The following PECAM1 variants were observed in gnomAD, a reference collection of about 807,000 sequenced individuals.
The protein encoded by PECAM1 is platelet and endothelial cell adhesion molecule 1.
In PECAM1, 8 loss-of-function variants were observed where a neutral mutation model predicts 13.8. The observed-to-expected ratio is 0.58, with a 90% confidence interval of 0.34 to 1.05. The LOEUF (loss-of-function observed/expected upper bound fraction) is 1.05, where lower values mean the gene tolerates loss of function less well. PECAM1 is among the 50% of genes least tolerant of loss of function. The pLI is 0.03. For missense variants in PECAM1, 304 were observed against 141.2 expected (o/e 2.15, Z -5.84); for synonymous variants, 136 against 52.6 (o/e 2.58, Z -6.86).
At chr17:64,361,129 A>ATGTGTGTGTG (rs145637288) in intron 6 of PECAM1, among the ~76,000 whole-genome samples, 3,666 of 137,202 alleles carry the variant, frequency 0.027, 68 homozygotes, top group South Asian at 0.069. Context: ...CTGAGCATAT[A>ATGTGTGTGTG]TGTGTGTGTG....
At position 64,321,901 on chromosome 17, in the gene PECAM1, G is replaced by T; in HGVS notation, c.*1915C>A. The T allele has an allele frequency of 3.0e-6, 4 of 1,345,822 alleles. No individual in the cohort carries two copies. The highest frequency in any genetic ancestry group is 3.9e-6 in the Non-Finnish European group (4 of 1,016,634). 83.4% of individuals were successfully genotyped at this position (1,345,822 alleles called of 1,614,324 possible). A position where few individuals can be genotyped will look rare whatever the true frequency, so the allele number is the denominator to read the frequency against. On this transcript the variant is annotated 3_prime_UTR_variant, in exon 16 of 16. Transcript: ENST00000563924. ...ACTAAGGAACTCCCTGGACACAGGGGATCTGGCTGTCCCCAGATCATCAAC... is the reference window on the plus strand; with the variant it reads ...ACTAAGGAACTCCCTGGACACAGGGTATCTGGCTGTCCCCAGATCATCAAC...
intron 7 of PECAM1, among the ~76,000 whole-genome samples, chr17:64,357,915 G>A (rs1055160916): frequency 1.8e-3 from 278 of 152,158 alleles, no homozygotes; most frequent in African/African-American, 6.4e-3. Context: ...CAGGTGGATC[G>A]TTCCGAGAAC....
In PECAM1 at chr17:64,323,139, T is replaced by A; in HGVS notation, c.*677A>T. On this transcript the variant is annotated 3_prime_UTR_variant, in exon 16 of 16. Transcript: ENST00000563924. ...GCATGGTAGAGGAAAAGAGAAAGAG[T>A]GTAGACAAAAACAGTTGAAGAACAT... 2.0e-6 allele frequency: 2 copies of A among 985,766 alleles called. No individual in the cohort carries two copies. Among genetic ancestry groups the A allele is most frequent in the Non-Finnish European group, 2.4e-6 (2 of 830,226 alleles). The allele number at this position is 985,766 out of a possible 1,614,324, so 61.1% of individuals were successfully genotyped here. A position where few individuals can be genotyped will look rare whatever the true frequency, so the allele number is the denominator to read the frequency against.
chr17:64,341,110 A>AAAG (rs1424688519), intron 14 of PECAM1, among the ~76,000 whole-genome samples: 2 of 150,428 alleles, frequency 1.3e-5, no homozygotes, highest in African/African-American at 4.9e-5. Flanking sequence ...AAAAAAAAAA[A>AAAG]AAAATTAGCT....
intron 4 of PECAM1, 134 bp downstream of exon 4, chr17:64,374,917 A>T (rs2036323093): frequency 2.4e-6 from 1 of 409,736 alleles, no homozygotes; most frequent in Non-Finnish European, 4.4e-6. Flanking sequence ...AAAGCTTGAA[A>T]AATACTGGCT....
intron 15 of PECAM1, among the ~76,000 whole-genome samples, chr17:64,325,857 C>T (rs1002276318): frequency 2.0e-5 from 3 of 152,238 alleles, no homozygotes; most frequent in Admixed American, 6.5e-5. Flanking sequence ...ACCTATCCAC[C>T]TATCAGTGCC....
At chr17:64,366,652 C>A (rs1173602719) in intron 5 of PECAM1, among the ~76,000 whole-genome samples, 2 of 151,698 alleles carry the variant, frequency 1.3e-5, no homozygotes, top group African/African-American at 4.8e-5. Context: ...CCATAAAAAA[C>A]GATGAGTTCA....
At chr17:64,381,332 C>T (rs7212440) in intron 2 of PECAM1, among the ~76,000 whole-genome samples, 14,152 of 152,152 alleles carry the variant, frequency 0.093, 2,218 homozygotes, top group African/African-American at 0.32. Context: ...CTTTGGGATG[C>T]GTTTGTGCTA....
Position 64,322,387 on chromosome 17 carries a change from A to T in PECAM1, c.*1429T>A. On this transcript the variant is annotated 3_prime_UTR_variant, in exon 16 of 16. Coordinates refer to ENST00000563924, the MANE Select transcript of PECAM1 (RefSeq NM_000442.5). ...GGCAACAAGAGCGAATCTCCGTCTC[A>T]AAACAACAAAACAAAAACATAGACC... 7 of 985,928 alleles carry T rather than the reference A, an allele frequency of 7.1e-6. No homozygotes were observed. Among genetic ancestry groups the T allele is most frequent in the Non-Finnish European group, 8.4e-6 (7 of 829,890 alleles). 61.1% of individuals were successfully genotyped at this position (985,928 alleles called of 1,614,324 possible).
chr17:64,381,832 G>T (rs2036487756), intron 2 of PECAM1, among the ~76,000 whole-genome samples: 1 of 152,188 alleles, frequency 6.6e-6, no homozygotes, highest in Non-Finnish European at 1.5e-5. Flanking sequence ...CGGGCACGGT[G>T]GTTTATGCCT....
chr17:64,371,560 G>A (rs1332748124), intron 4 of PECAM1, among the ~76,000 whole-genome samples: 1 of 152,068 alleles, frequency 6.6e-6, no homozygotes, highest in African/African-American at 2.4e-5. Flanking sequence ...GGTCAGGCAC[G>A]GTGCTCCACA....
intron 4 of PECAM1, among the ~76,000 whole-genome samples, chr17:64,374,770 C>G (rs1332783153): frequency 3.6e-5 from 5 of 138,922 alleles, no homozygotes; most frequent in Admixed American, 2.4e-4. Context: ...GGCGACAGAG[C>G]GAGACTCTGT....
rs1177481733 is a variant in PECAM1 at position 64,349,613 on chromosome 17, G to A, written c.2044+767C>T. ...AAAAAAAAAAAAAAAAGAGCCAGGC[G>A]CAGTGGCTCGCGCCTGTAATTCTAG... On this transcript the variant is annotated intron_variant, in intron 12 of 15. Coordinates refer to ENST00000563924, the MANE Select transcript of PECAM1 (RefSeq NM_000442.5). Among the ~76,000 whole-genome samples the A allele has an allele frequency of 1.5e-4, 10 of 64,604 alleles. 1 individual carries two copies. The highest frequency in any genetic ancestry group is 1.2e-3 in the East Asian group (2 of 1,644). The allele number at this position is 64,604 out of a possible 152,430, so 42.4% of individuals were successfully genotyped here.
At chr17:64,372,206 C>T (rs979057411) in intron 4 of PECAM1, among the ~76,000 whole-genome samples, 1 of 151,736 alleles carries the variant, frequency 6.6e-6, no homozygotes, top group Non-Finnish European at 1.5e-5. Flanking sequence ...GCCAGGAGTT[C>T]GAGAACAGCC....
rs1205911475 is a variant in PECAM1, at chr17:64,319,777, C to T, written c.*4039G>A. The T allele has an allele frequency of 6.6e-6, 1 of 152,260 alleles. No individual in the cohort carries two copies. Among genetic ancestry groups the T allele is most frequent in the Non-Finnish European group, 1.5e-5 (1 of 68,062 alleles). 9.4% of individuals were successfully genotyped at this position (152,260 alleles called of 1,614,324 possible). ...TTCCGCCATTTTGCCTCTTGGTGCG[C>T]ATGCTCCAGGCTGCTTGCCCAGCTC... On this transcript the variant is annotated 3_prime_UTR_variant, in exon 16 of 16. Transcript: ENST00000563924.
chr17:64,350,559 T>C (rs1404657365), intron 11 of PECAM1, 126 bp from the exon 12 acceptor site: 106 of 405,560 alleles, frequency 2.6e-4, no homozygotes, highest in Non-Finnish European at 1.7e-4. Flanking sequence ...ACCAGCACTG[T>C]CTCTGGGTCC....
intron 2 of PECAM1, among the ~76,000 whole-genome samples, chr17:64,384,367 C>T (rs2036547965): frequency 6.6e-6 from 1 of 152,152 alleles, no homozygotes; most frequent in African/African-American, 2.4e-5. Flanking sequence ...CACCACCTCC[C>T]TTGCTATAGA....
intron 4 of PECAM1, chr17:64,370,277 C>T (rs1163719657): frequency 9.2e-6 from 3 of 324,464 alleles, no homozygotes; most frequent in East Asian, 4.7e-5. Context: ...GGCCAAACAC[C>T]TTCTCTAGAT....
intron 14 of PECAM1, among the ~76,000 whole-genome samples, chr17:64,340,418 TCCTGGA>T (rs1395873216): frequency 9.3e-4 from 142 of 152,220 alleles, no homozygotes; most frequent in African/African-American, 3.2e-3. Flanking sequence ...TGCAGAAATG[TCCTGGA>T]CCATTTTAAT....
Sources: allele counts gnomAD v4.1 joint callset (sites outside exome capture counted in the v4.1 genomes callset), GRCh38; gene constraint gnomAD v4.1.1; transcripts MANE v1.5; gene names NCBI Gene and HGNC (gene_info 2026-07-23, HGNC 2026-07-21).